The following TENM4 variants were observed in gnomAD, a reference collection of about 807,000 sequenced individuals.
The protein encoded by TENM4 is teneurin transmembrane protein 4, also known as teneurin-4.
A neutral mutation model predicts 243.3 loss-of-function variants in TENM4; 82 were observed. That is an observed-to-expected ratio of 0.34 (90% CI 0.28 to 0.40). The LOEUF (loss-of-function observed/expected upper bound fraction) is 0.40, where lower values mean the gene tolerates loss of function less well. Among genes scored for constraint, TENM4 ranks in the 10% least tolerant of loss-of-function variants. The pLI, the probability that TENM4 is intolerant of heterozygous loss-of-function variation, is 1.00. For missense variants in TENM4, 3,138 were observed against 3,673.3 expected (o/e 0.85, Z 3.77); for synonymous variants, 1,412 against 1,456.3 (o/e 0.97, Z 0.69).
At chr11:78,833,785 ATCTT>A (rs1053512067) in intron 12 of TENM4, among the ~76,000 whole-genome samples, 3 of 144,518 alleles carry the variant, frequency 2.1e-5, no homozygotes, top group Admixed American at 2.0e-4. Context: ...GGCTGACGTT[ATCTT>A]TCTTTTACTC....
Position 78,702,320 on chromosome 11 carries a change from T to G in TENM4, c.4293A>C (p.Gln1431His), listed in dbSNP as rs773588451. The G allele has an allele frequency of 1.1e-5, 17 of 1,613,890 alleles. No homozygotes were observed. In the South Asian group the frequency reaches 1.8e-4, roughly 17 times the overall value. ...TGCGCACCTGGTGGTTTTCAGAGAT[T>G]TGCAGGACCACATTGTTGTCGAGGA... Reference protein sequence around the residue: ...LYVLDNNVVLQISENHQVRIV... With the variant: ...LYVLDNNVVLHISENHQVRIV... The change falls in exon 28 of 34, where the codon CAA becomes CAC. Residue 1431 changes from glutamine to histidine, a missense_variant. Physicochemically the swap from Gln to His is conservative, Grantham distance 24 (BLOSUM62 0). Coordinates refer to ENST00000278550, the MANE Select transcript of TENM4 (RefSeq NM_001098816.3).
intron 2 of TENM4, among the ~76,000 whole-genome samples, chr11:79,279,075 C>A (rs1856110259): frequency 6.6e-6 from 1 of 152,162 alleles, no homozygotes; most frequent in South Asian, 2.1e-4. Flanking sequence ...GTCCTCACAT[C>A]CCAGACAAAC....
At chr11:79,183,151 C>A (rs1863316356) in intron 3 of TENM4, among the ~76,000 whole-genome samples, 1 of 152,076 alleles carries the variant, frequency 6.6e-6, no homozygotes, top group African/African-American at 2.4e-5. Context: ...AACTTGGAAG[C>A]AACCAAGATG....
intron 20 of TENM4, among the ~76,000 whole-genome samples, chr11:78,734,928 G>A (rs749144696): frequency 4.6e-5 from 7 of 152,164 alleles, no homozygotes; most frequent in South Asian, 2.1e-4. Flanking sequence ...TTCTTACTTT[G>A]GCTGTTACTG....
chr11:78,706,661 G>A (rs993002480), intron 27 of TENM4, among the ~76,000 whole-genome samples: 3 of 152,018 alleles, frequency 2.0e-5, no homozygotes, highest in Non-Finnish European at 2.9e-5. Flanking sequence ...TTCCCCCTCC[G>A]CCATATGCCA....
chr11:79,274,844 G>A (rs1178776487), intron 2 of TENM4, among the ~76,000 whole-genome samples: 1 of 152,128 alleles, frequency 6.6e-6, no homozygotes, highest in Non-Finnish European at 1.5e-5. Flanking sequence ...TTTGGCATGG[G>A]TGCTGGGCCC....
chr11:79,298,818 C>T (rs991811243), intron 1 of TENM4, among the ~76,000 whole-genome samples: 12 of 152,154 alleles, frequency 7.9e-5, no homozygotes, highest in African/African-American at 2.9e-4. Flanking sequence ...TTGCCATATC[C>T]ATGTGTCACC....
chr11:78,833,891 CT>C (rs543470178), intron 12 of TENM4, among the ~76,000 whole-genome samples: 170 of 152,312 alleles, frequency 1.1e-3, no homozygotes, highest in South Asian at 4.8e-3. Context: ...AGGCTCTTCT[CT>C]AGTGATGTCT....
chr11:78,912,566 C>CTTT (rs1328026074), intron 6 of TENM4, among the ~76,000 whole-genome samples: 1 of 152,182 alleles, frequency 6.6e-6, no homozygotes, highest in African/African-American at 2.4e-5. Context: ...GACTTCCAAA[C>CTTT]TTTTAAAGCT....
intron 4 of TENM4, among the ~76,000 whole-genome samples, chr11:79,123,727 C>T (rs1055384326): frequency 6.6e-6 from 1 of 152,034 alleles, no homozygotes; most frequent in Non-Finnish European, 1.5e-5. Flanking sequence ...ATCCTCTCTC[C>T]TTCCTTAGAG....
chr11:79,341,316 C>T (rs1857238156), intron 1 of TENM4, among the ~76,000 whole-genome samples: 1 of 152,172 alleles, frequency 6.6e-6, no homozygotes, highest in African/African-American at 2.4e-5. Flanking sequence ...CTCTGGGATC[C>T]CTTGCAACTC....
intron 6 of TENM4, among the ~76,000 whole-genome samples, chr11:79,029,301 A>G (rs937353500): frequency 1.3e-5 from 2 of 152,184 alleles, no homozygotes; most frequent in Non-Finnish European, 2.9e-5. Flanking sequence ...CAGAACTGCA[A>G]TCTTTCCCCT....
chr11:78,829,898 G>A (rs1175486791), intron 12 of TENM4, among the ~76,000 whole-genome samples: 2 of 152,160 alleles, frequency 1.3e-5, no homozygotes, highest in African/African-American at 4.8e-5. Context: ...CGTGTACTTT[G>A]TGACAACAGG....
At chr11:78,942,545 G>C (rs528692860) in intron 6 of TENM4, among the ~76,000 whole-genome samples, 1 of 152,208 alleles carries the variant, frequency 6.6e-6, no homozygotes, top group South Asian at 2.1e-4. Flanking sequence ...GGCTGCAGGC[G>C]GCCTGTGGGC....
At chr11:78,958,972 C>A (rs971915518) in intron 6 of TENM4, among the ~76,000 whole-genome samples, 1 of 152,172 alleles carries the variant, frequency 6.6e-6, no homozygotes, top group Non-Finnish European at 1.5e-5. Context: ...ACCACAACAA[C>A]CTTGGAAGGT....
intron 18 of TENM4, among the ~76,000 whole-genome samples, chr11:78,760,535 G>A (rs1261682718): frequency 4.6e-5 from 7 of 152,226 alleles, no homozygotes; most frequent in South Asian, 4.1e-4. Flanking sequence ...TTGTGACAAT[G>A]AGACAAACAT....
intron 2 of TENM4, among the ~76,000 whole-genome samples, chr11:79,251,792 CAAAT>C (rs1333663800): frequency 6.9e-6 from 1 of 144,502 alleles, no homozygotes; most frequent in Non-Finnish European, 1.5e-5. Flanking sequence ...GAAAAATAAG[CAAAT>C]AAAACTCGAA....
chr11:79,298,521 CAAAAAA>C (rs61373828), intron 1 of TENM4, among the ~76,000 whole-genome samples: 327 of 17,234 alleles, frequency 0.019, 5 homozygotes, highest in South Asian at 0.063. Context: ...GACTCCGTCT[CAAAAAA>C]AAAAAAAAAA....
chr11:79,424,975 C>G (rs958956429), intron 1 of TENM4, among the ~76,000 whole-genome samples: 11 of 152,112 alleles, frequency 7.2e-5, no homozygotes, highest in African/African-American at 2.4e-4. Context: ...GTTGAGAAAG[C>G]CTGGTCTAGT....
Sources: gnomAD v4.1 joint callset for allele counts (sites outside exome capture counted in the v4.1 genomes callset) on GRCh38, gnomAD v4.1.1 for gene constraint, MANE v1.5 for transcripts, NCBI Gene and HGNC (gene_info 2026-07-23, HGNC 2026-07-21) for gene names.